The following NDUFAF2 variants were observed in gnomAD, a reference collection of about 807,000 sequenced individuals.
NDUFAF2 encodes the protein NADH:ubiquinone oxidoreductase complex assembly factor 2.
In NDUFAF2, 13 loss-of-function variants were observed where a neutral mutation model predicts 22.8. That is an observed-to-expected ratio of 0.57 (90% CI 0.37 to 0.91). The LOEUF (loss-of-function observed/expected upper bound fraction) is 0.91. NDUFAF2 is among the 40% of genes least tolerant of loss of function. The pLI is 0.01. For synonymous variants in NDUFAF2, 53 were observed against 64.2 expected, an observed-to-expected ratio of 0.83 and a Z score of 0.84; for missense variants, 162 against 195.2, an observed-to-expected ratio of 0.83 and a Z score of 1.01.
At chr5:60,963,984 A>T (rs1750723138) in intron 1 of NDUFAF2, among the ~76,000 whole-genome samples, 1 of 152,200 alleles carries the variant, frequency 6.6e-6, no homozygotes, top group Non-Finnish European at 1.5e-5. Context: ...TGTGAATAAA[A>T]TGGAGAATTA....
rs771309711 is a variant in NDUFAF2 at position 61,099,007 on chromosome 5, CAAGA to C, written c.238_241del (p.Lys80LeufsTer9). ...TTCTTTCTAGCTTGGATTAGAAGAACAAGAAAGACTCCACCTACTATGGAGGTAA... is the reference window on the plus strand; with the variant it reads ...TTCTTTCTAGCTTGGATTAGAAGAACAAGACTCCACCTACTATGGAGGTAA... On this transcript the variant is annotated frameshift_variant, in exon 3 of 4. Coordinates refer to ENST00000296597, the MANE Select transcript of NDUFAF2 (RefSeq NM_174889.5). LOFTEE classifies it high-confidence loss of function. 1.9e-6 allele frequency: 3 copies of C among 1,599,210 alleles called. No homozygotes were observed. Among genetic ancestry groups the C allele is most frequent in the Non-Finnish European group, 2.6e-6 (3 of 1,168,986 alleles).
intron 3 of NDUFAF2, among the ~76,000 whole-genome samples, chr5:61,106,787 A>T (rs1331090505): frequency 1.3e-5 from 2 of 151,066 alleles, no homozygotes; most frequent in African/African-American, 4.9e-5. Context: ...TGTGAAGGTT[A>T]TCTTTCTATG....
intron 3 of NDUFAF2, among the ~76,000 whole-genome samples, chr5:61,135,101 A>T (rs541352697): frequency 6.6e-6 from 1 of 152,092 alleles, no homozygotes; most frequent in East Asian, 1.9e-4. Context: ...TTAAATTTGA[A>T]TTGGAAATGT....
chr5:61,129,025 G>A (rs1228972684), intron 3 of NDUFAF2, among the ~76,000 whole-genome samples: 1 of 152,196 alleles, frequency 6.6e-6, no homozygotes, highest in Admixed American at 6.5e-5. Context: ...CATTTATGCA[G>A]CCAACAGACA....
intron 2 of NDUFAF2, among the ~76,000 whole-genome samples, chr5:61,084,323 A>G (rs896134812): frequency 2.0e-5 from 3 of 151,536 alleles, no homozygotes; most frequent in South Asian, 4.2e-4. Context: ...TATACATAAC[A>G]TAAAAATTTC....
chr5:60,972,872 C>G (rs1750854816), intron 1 of NDUFAF2, among the ~76,000 whole-genome samples: 1 of 115,954 alleles, frequency 8.6e-6, no homozygotes, highest in South Asian at 2.7e-4. Context: ...CTCTGTATTT[C>G]TACCTTTTTT....
intron 1 of NDUFAF2, among the ~76,000 whole-genome samples, chr5:60,966,028 C>A (rs1750754324): frequency 6.6e-6 from 1 of 151,920 alleles, no homozygotes; most frequent in African/African-American, 2.4e-5. Context: ...GTCGACAACA[C>A]TTGTTACCTT....
At chr5:61,017,332 G>T (rs1302371445) in intron 1 of NDUFAF2, among the ~76,000 whole-genome samples, 1 of 152,012 alleles carries the variant, frequency 6.6e-6, no homozygotes, top group Non-Finnish European at 1.5e-5. Context: ...CTTTGTAGAA[G>T]CTTTGAACTA....
At chr5:61,024,135 A>T (rs1159604216) in intron 1 of NDUFAF2, among the ~76,000 whole-genome samples, 2 of 152,148 alleles carry the variant, frequency 1.3e-5, no homozygotes, top group East Asian at 3.8e-4. Flanking sequence ...GGACTATACC[A>T]TGTTATAAGA....
At chr5:61,143,874 T>A (rs1741092043) in intron 3 of NDUFAF2, among the ~76,000 whole-genome samples, 1 of 151,940 alleles carries the variant, frequency 6.6e-6, no homozygotes, top group South Asian at 2.1e-4. Flanking sequence ...AATTCACAAG[T>A]ACTTGAAGCT....
intron 3 of NDUFAF2, among the ~76,000 whole-genome samples, chr5:61,104,504 T>C (rs1579831636): frequency 6.6e-6 from 1 of 152,022 alleles, no homozygotes; most frequent in African/African-American, 2.4e-5. Context: ...GAATAGAGAA[T>C]GGAGTTGGAG....
intron 3 of NDUFAF2, among the ~76,000 whole-genome samples, chr5:61,107,768 A>G (rs1161073510): frequency 6.8e-6 from 1 of 147,246 alleles, no homozygotes; most frequent in East Asian, 2.1e-4. Flanking sequence ...TGCACCCACT[A>G]ACTCGTCATC....
chr5:60,986,019 A>G (rs748176951), intron 1 of NDUFAF2, among the ~76,000 whole-genome samples: 1 of 152,230 alleles, frequency 6.6e-6, no homozygotes, highest in Non-Finnish European at 1.5e-5. Context: ...ATGTGAAGAA[A>G]AGGGACCCCA....
At chr5:61,129,811 T>A (rs933919623) in intron 3 of NDUFAF2, among the ~76,000 whole-genome samples, 7 of 151,862 alleles carry the variant, frequency 4.6e-5, no homozygotes, top group African/African-American at 1.7e-4. Flanking sequence ...AAAGTACTTA[T>A]AAGTAAAAAA....
At chr5:61,065,136 T>A (rs2111720278) in intron 1 of NDUFAF2, among the ~76,000 whole-genome samples, 1 of 152,072 alleles carries the variant, frequency 6.6e-6, no homozygotes, top group South Asian at 2.1e-4. Context: ...AAATACAACC[T>A]ACCAAGATTT....
intron 1 of NDUFAF2, among the ~76,000 whole-genome samples, chr5:61,011,925 C>T (rs1030802851): frequency 1.3e-5 from 2 of 152,076 alleles, no homozygotes; most frequent in African/African-American, 2.4e-5. Context: ...AACTTTCTTA[C>T]CTGCTCTAGC....
intron 3 of NDUFAF2, among the ~76,000 whole-genome samples, chr5:61,104,494 G>C (rs71630093): frequency 0.043 from 6,531 of 152,048 alleles, 197 homozygotes; most frequent in Non-Finnish European, 0.065. Context: ...TTCTAGAAAC[G>C]AATAGAGAAT....
chr5:60,957,500 T>C (rs1175345972), intron 1 of NDUFAF2, among the ~76,000 whole-genome samples: 1 of 11,458 alleles, frequency 8.7e-5, no homozygotes, highest in Admixed American at 1.3e-3. Flanking sequence ...ATCTGTTTAC[T>C]TTTTTTTTTT....
intron 1 of NDUFAF2, among the ~76,000 whole-genome samples, chr5:61,046,569 G>T (rs897054596): frequency 2.6e-5 from 4 of 151,902 alleles, no homozygotes; most frequent in African/African-American, 9.7e-5. Flanking sequence ...TATCCATTTT[G>T]CTATATATTA....
Sources: gnomAD v4.1 joint callset for allele counts (sites outside exome capture counted in the v4.1 genomes callset) on GRCh38, gnomAD v4.1.1 for gene constraint, MANE v1.5 for transcripts, NCBI Gene and HGNC (gene_info 2026-07-23, HGNC 2026-07-21) for gene names.